The following KCTD16 variants were observed in gnomAD, a reference collection of about 807,000 sequenced individuals.
KCTD16 encodes the protein BTB/POZ domain-containing protein KCTD16.
In KCTD16, 13 loss-of-function variants were observed where a neutral mutation model predicts 33.2. The ratio of observed to expected loss-of-function variants is 0.39; its 90% CI spans 0.25 to 0.62. The LOEUF (loss-of-function observed/expected upper bound fraction) is 0.62, where lower values mean the gene tolerates loss of function less well. Ranked by LOEUF, KCTD16 falls within the 20% of genes least tolerant of loss-of-function variation. The pLI, the probability that KCTD16 is intolerant of heterozygous loss-of-function variation, is 0.50. For missense variants in KCTD16, 441 were observed against 525.1 expected, an observed-to-expected ratio of 0.84 and a Z score of 1.57; for synonymous variants, 197 against 195.3, an observed-to-expected ratio of 1.01 and a Z score of -0.07.
intron 2 of KCTD16, among the ~76,000 whole-genome samples, chr5:144,202,359 C>G (rs1299227263): frequency 6.6e-6 from 1 of 152,248 alleles, no homozygotes. Flanking sequence ...TTCCCTGAGA[C>G]ATTCGCTTAC....
Position 144,178,646 on chromosome 5 carries a change from G to A in KCTD16, c.-327+4174G>A, listed in dbSNP as rs184410008. Among the ~76,000 whole-genome samples the A allele has an allele frequency of 8.6e-4, 130 of 152,022 alleles. 4 individuals are homozygous for A. In the East Asian group the frequency reaches 0.023, roughly 26 times the overall value. On this transcript the variant is annotated intron_variant, in intron 2 of 3. Coordinates refer to ENST00000512467, the MANE Select transcript of KCTD16 (RefSeq NM_020768.4). ...TCTGTGATAATGAATTTTCCTCTCT[G>A]GAAGAGAATATAAACATTTCTTAAC...
In KCTD16 at chr5:144,374,012, A is replaced by G. The variant is rs1017164499; in HGVS notation, c.833-99648A>G. On this transcript the variant is annotated intron_variant, in intron 3 of 3. Coordinates refer to ENST00000512467, the MANE Select transcript of KCTD16 (RefSeq NM_020768.4). ...CCACATCAAGTTCTCCCTTATATGA[A>G]CCTCTTGCCTCTATGTACAGACCAT... Among the ~76,000 whole-genome samples, 5 of 152,168 alleles carry G rather than the reference A, an allele frequency of 3.3e-5. No homozygotes were observed. The South Asian group carries it at 1.0e-3, about 32-fold the overall frequency.
In KCTD16 at chr5:144,369,770, C is replaced by G. The variant is rs1751924844; in HGVS notation, c.833-103890C>G. ...GATTCATGCTTTAATACAGCATTTC[C>G]CAGGTGTAAAATGAGTACCATTGAA... On this transcript the variant is annotated intron_variant, in intron 3 of 3. Transcript: ENST00000512467. 2.6e-5 allele frequency among the ~76,000 whole-genome samples: 4 copies of G among 151,828 alleles called. No individual in the cohort carries two copies. The South Asian group carries it at 8.3e-4, about 32-fold the overall frequency.
chr5:144,361,439 C>T (rs1751710722), intron 3 of KCTD16, among the ~76,000 whole-genome samples: 1 of 152,108 alleles, frequency 6.6e-6, no homozygotes. Context: ...CAACTGTGTC[C>T]TGGTCCTGGT....
At chr5:144,176,631 T>C (rs985134177) in intron 2 of KCTD16, among the ~76,000 whole-genome samples, 2 of 151,572 alleles carry the variant, frequency 1.3e-5, no homozygotes, top group African/African-American at 4.8e-5. Context: ...CTCGATCTCC[T>C]GACCTCATGA....
At chr5:144,428,187 G>T (rs1399091337) in intron 3 of KCTD16, among the ~76,000 whole-genome samples, 1 of 152,100 alleles carries the variant, frequency 6.6e-6, no homozygotes, top group Non-Finnish European at 1.5e-5. Flanking sequence ...GTTTGAGTAT[G>T]CATTGTTACA....
At chr5:144,232,340 C>A (rs2126813590) in intron 3 of KCTD16, among the ~76,000 whole-genome samples, 1 of 152,286 alleles carries the variant, frequency 6.6e-6, no homozygotes, top group East Asian at 1.9e-4. Flanking sequence ...CTAATTACGA[C>A]AACAGTAATA....
In KCTD16 at chr5:144,474,119, G is replaced by A. The variant is rs765130922; in HGVS notation, c.*5G>A. The A allele has an allele frequency of 1.3e-6, 2 of 1,555,318 alleles. No individual in the cohort carries two copies. The highest frequency in any genetic ancestry group is 3.5e-4 in the Middle Eastern group (2 of 5,792). ...TTAAGGAAGTATCATCTATAAGGGA[G>A]GGCTGGGGGCGGGAAAAGAAAAAAA... On this transcript the variant is annotated 3_prime_UTR_variant, in exon 4 of 4. Coordinates refer to ENST00000512467, the MANE Select transcript of KCTD16 (RefSeq NM_020768.4).
chr5:144,316,984 C>T (rs920611489), intron 3 of KCTD16, among the ~76,000 whole-genome samples: 4 of 151,692 alleles, frequency 2.6e-5, no homozygotes, highest in African/African-American at 9.7e-5. Flanking sequence ...CACGCCACAA[C>T]GCCCAGCTAA....
At chr5:144,202,518 A>G (rs138036415) in intron 2 of KCTD16, among the ~76,000 whole-genome samples, 8 of 152,358 alleles carry the variant, frequency 5.3e-5, no homozygotes, top group African/African-American at 1.4e-4. Flanking sequence ...CCTGAGGTCT[A>G]TGAACCCCAA....
At chr5:144,299,998 C>T (rs891739434) in intron 3 of KCTD16, among the ~76,000 whole-genome samples, 1 of 151,714 alleles carries the variant, frequency 6.6e-6, no homozygotes, top group African/African-American at 2.4e-5. Flanking sequence ...TTATAGCTGT[C>T]TATCTTAGAA....
In KCTD16 at chr5:144,476,265, T is replaced by C. The variant is rs775083878; in HGVS notation, c.*2151T>C. On this transcript the variant is annotated 3_prime_UTR_variant, in exon 4 of 4. Transcript: ENST00000512467. The stretch of plus-strand genomic sequence containing the variant: ...GTCACTGGAAGTACTGTCAAAGACT[T>C]TGGGGGTCTAACTAAAATGGCCAAA... 1.3e-5 allele frequency: 2 copies of C among 152,182 alleles called. No homozygotes were observed. The highest frequency in any genetic ancestry group is 2.9e-5 in the Non-Finnish European group (2 of 68,016). 9.4% of individuals were successfully genotyped at this position (152,182 alleles called of 1,614,324 possible).
chr5:144,331,494 G>T (rs1752356271), intron 3 of KCTD16, among the ~76,000 whole-genome samples: 1 of 152,178 alleles, frequency 6.6e-6, no homozygotes, highest in African/African-American at 2.4e-5. Flanking sequence ...AGGTTGAAAA[G>T]CAGGGAGTAT....
intron 3 of KCTD16, among the ~76,000 whole-genome samples, chr5:144,436,046 A>G (rs1045226546): frequency 6.6e-6 from 1 of 152,186 alleles, no homozygotes; most frequent in African/African-American, 2.4e-5. Flanking sequence ...TTGTAGGAGC[A>G]TATTTATAGA....
intron 3 of KCTD16, among the ~76,000 whole-genome samples, chr5:144,378,418 A>G (rs536262308): frequency 1.3e-5 from 2 of 152,244 alleles, no homozygotes; most frequent in East Asian, 3.9e-4. Flanking sequence ...ACTATTTTTT[A>G]TTTCTTCTAA....
intron 2 of KCTD16, among the ~76,000 whole-genome samples, chr5:144,186,406 C>T (rs1367535953): frequency 6.7e-6 from 1 of 149,480 alleles, no homozygotes; most frequent in East Asian, 1.9e-4. Context: ...TGTTCAGAGC[C>T]TAAGGGAATT....
rs529116047 is a variant in KCTD16 at position 144,247,198 on chromosome 5, T to G, written c.832+39652T>G. On this transcript the variant is annotated intron_variant, in intron 3 of 3. Transcript: ENST00000512467. ...TTATTTCTTCTCTGTGACTTGTGAC[T>G]GCTTTGACCACAGAGTATGATGGAA... is the stretch of plus-strand genomic sequence containing the variant. Among the ~76,000 whole-genome samples the G allele has an allele frequency of 2.0e-5, 3 of 152,350 alleles. 1 individual carries two copies. In the East Asian group the frequency reaches 5.8e-4, roughly 29 times the overall value.
In KCTD16 at chr5:144,396,592, A is replaced by G. The variant is rs144742625; in HGVS notation, c.833-77068A>G. 1.8e-3 allele frequency among the ~76,000 whole-genome samples: 267 copies of G among 152,298 alleles called. 1 individual carries two copies. Among genetic ancestry groups the G allele is most frequent in the African/African-American group, 5.7e-3 (235 of 41,570 alleles). On this transcript the variant is annotated intron_variant, in intron 3 of 3. Coordinates refer to ENST00000512467, the MANE Select transcript of KCTD16 (RefSeq NM_020768.4). ...TGATAATTGTGGGTCAGAGCCTCCA[A>G]TTAAAGAGGTAAGCACAGAAGCTTT... is the stretch of plus-strand genomic sequence containing the variant.
At chr5:144,407,383 A>G (rs1434604516) in intron 3 of KCTD16, among the ~76,000 whole-genome samples, 1 of 148,904 alleles carries the variant, frequency 6.7e-6, no homozygotes, top group Non-Finnish European at 1.5e-5. Flanking sequence ...TTTTTTTTTG[A>G]TTTGAAAAAA....
Sources: allele counts gnomAD v4.1 joint callset (sites outside exome capture counted in the v4.1 genomes callset), GRCh38; gene constraint gnomAD v4.1.1; transcripts MANE v1.5; gene names NCBI Gene and HGNC (gene_info 2026-07-23, HGNC 2026-07-21).